The following ZNRF1 variants were observed in gnomAD, a reference collection of about 807,000 sequenced individuals.
ZNRF1 encodes the protein zinc and ring finger 1.
ZNRF1 carries 3 observed loss-of-function variants against 18.4 expected under a neutral mutation model. The observed-to-expected ratio is 0.16, with a 90% CI of 0.07 to 0.42. The LOEUF (loss-of-function observed/expected upper bound fraction) is 0.42, where lower values mean the gene tolerates loss of function less well. Among genes scored for constraint, ZNRF1 ranks in the 10% least tolerant of loss-of-function variants. The probability of loss-of-function intolerance (pLI) is 0.99; values close to 1 mark genes in which losing one functional copy is unlikely to be tolerated. For missense variants in ZNRF1, 310 were observed against 329.8 expected, an observed-to-expected ratio of 0.94 and a Z score of 0.47; for synonymous variants, 157 against 144.2, an observed-to-expected ratio of 1.09 and a Z score of -0.64.
At chr16:75,033,500 C>T (rs1341768732) in intron 1 of ZNRF1, among the ~76,000 whole-genome samples, 1 of 148,452 alleles carries the variant, frequency 6.7e-6, no homozygotes, top group Non-Finnish European at 1.5e-5. Context: ...AGTGCAATGG[C>T]GCAATCTTGG....
intron 1 of ZNRF1, among the ~76,000 whole-genome samples, chr16:75,010,844 G>A (rs552503752): frequency 2.0e-5 from 3 of 151,220 alleles, no homozygotes; most frequent in Admixed American, 1.3e-4. Flanking sequence ...CCAAGTAGCT[G>A]GAATTACAGG....
intron 1 of ZNRF1, among the ~76,000 whole-genome samples, chr16:75,028,652 A>G (rs1183633148): frequency 6.6e-6 from 1 of 152,118 alleles, no homozygotes; most frequent in Non-Finnish European, 1.5e-5. Flanking sequence ...TGGTTTTCTG[A>G]TTTTTCTTCT....
chr16:75,010,711 G>GTTTTTTT (rs67210395), intron 1 of ZNRF1, among the ~76,000 whole-genome samples: 912 of 74,224 alleles, frequency 0.012, 75 homozygotes, highest in Non-Finnish European at 0.018. Flanking sequence ...GTTTTTTTTT[G>GTTTTTTT]TTTTTTTGTT....
intron 2 of ZNRF1, among the ~76,000 whole-genome samples, chr16:75,103,695 G>A (rs913434536): frequency 6.6e-6 from 1 of 152,056 alleles, no homozygotes; most frequent in Non-Finnish European, 1.5e-5. Flanking sequence ...TTTTAAAAGG[G>A]GAAAAAACGG....
At chr16:75,018,766 T>A (rs74977482) in intron 1 of ZNRF1, among the ~76,000 whole-genome samples, 58 of 152,310 alleles carry the variant, frequency 3.8e-4, no homozygotes, top group African/African-American at 1.2e-3. Context: ...TGTATTTTTT[T>A]AATACATTTC....
chr16:75,047,640 G>C (rs1326576751), intron 1 of ZNRF1, among the ~76,000 whole-genome samples: 1 of 151,492 alleles, frequency 6.6e-6, no homozygotes, highest in East Asian at 1.9e-4. Flanking sequence ...TGCTGAACTT[G>C]TGTTAGTTAT....
chr16:75,102,984 C>T (rs2036270792), intron 2 of ZNRF1, among the ~76,000 whole-genome samples: 1 of 152,202 alleles, frequency 6.6e-6, no homozygotes, highest in African/African-American at 2.4e-5. Context: ...CTTCATCCAT[C>T]CTCCACCTTC....
At chr16:75,060,833 G>C (rs1254667724) in intron 1 of ZNRF1, among the ~76,000 whole-genome samples, 1 of 152,008 alleles carries the variant, frequency 6.6e-6, no homozygotes, top group East Asian at 1.9e-4. Flanking sequence ...AGAATTCCAA[G>C]GTCATCTCTA....
At position 74,999,994 on chromosome 16, in the gene ZNRF1, G is replaced by C. The variant is rs376693655; in HGVS notation, c.323G>C (p.Gly108Ala). The change falls in exon 1 of 5, where the codon GGC becomes GCC. Residue 108 changes from glycine to alanine, a missense_variant. By Grantham distance (60) the Gly-to-Ala change is moderately conservative. Transcript: ENST00000335325. Reference protein sequence around the residue: ...AHGNGYQETGGGHHRDGMLYL... With the variant: ...AHGNGYQETGAGHHRDGMLYL... ...GGCAATGGTTACCAGGAGACGGGCG[G>C]CGGTCACCATAGAGACGGGATGCTG... The C allele has an allele frequency of 2.2e-4, 348 of 1,586,642 alleles. No individual in the cohort carries two copies. Among genetic ancestry groups the C allele is most frequent in the Non-Finnish European group, 2.6e-4 (306 of 1,167,648 alleles).
rs566668453 is a variant in ZNRF1, at chr16:75,041,287, A to G, written c.424+41192A>G. The stretch of plus-strand genomic sequence containing the variant: ...TTGACTTACGGATTATAGTCATTCT[A>G]GTAGGTATGTAGTGGTACCACATTG... On this transcript the variant is annotated intron_variant, in intron 1 of 4. Coordinates refer to ENST00000335325, the MANE Select transcript of ZNRF1 (RefSeq NM_032268.5). 4.6e-5 allele frequency among the ~76,000 whole-genome samples: 7 copies of G among 152,204 alleles called. No individual in the cohort carries two copies. The South Asian group carries it at 1.2e-3, about 27-fold the overall frequency.
rs370161311 is a variant in ZNRF1 at position 75,099,057 on chromosome 16, A to C, written c.520+5390A>C. Among the ~76,000 whole-genome samples the C allele has an allele frequency of 2.2e-4, 34 of 152,312 alleles. No individual in the cohort carries two copies. The East Asian group carries it at 5.8e-3, about 26-fold the overall frequency. The stretch of plus-strand genomic sequence containing the variant: ...ACACTTCACAGAAAGGGGGAGATGC[A>C]AAGTGCCTGTGAGACGGGTGGTGTT... On this transcript the variant is annotated intron_variant, in intron 2 of 4. Coordinates refer to ENST00000335325, the MANE Select transcript of ZNRF1 (RefSeq NM_032268.5).
intron 1 of ZNRF1, among the ~76,000 whole-genome samples, chr16:75,053,738 T>C (rs1325463070): frequency 6.6e-6 from 1 of 152,062 alleles, no homozygotes; most frequent in Middle Eastern, 3.2e-3. Context: ...CTCACATAAG[T>C]AGTAATTTCC....
rs2036357409 is a variant in ZNRF1, at chr16:75,109,569, G to A, written c.*1869G>A. 6.5e-6 allele frequency: 1 copy of A among 152,998 alleles called. No homozygotes were observed. The highest frequency in any genetic ancestry group is 6.5e-5 in the Admixed American group (1 of 15,290). The allele number at this position is 152,998 out of a possible 1,614,324, so 9.5% of individuals were successfully genotyped here. A position where few individuals can be genotyped will look rare whatever the true frequency, so the allele number is the denominator to read the frequency against. The stretch of plus-strand genomic sequence containing the variant: ...GGAGAAACACTAAAGAAGACTCGGT[G>A]GTTCAGAGCCTGGGTCTCAGCGCGG... On this transcript the variant is annotated 3_prime_UTR_variant, in exon 5 of 5. Transcript: ENST00000335325.
intron 1 of ZNRF1, among the ~76,000 whole-genome samples, chr16:75,034,928 G>T (rs555148648): frequency 1.3e-5 from 2 of 151,866 alleles, no homozygotes; most frequent in African/African-American, 4.8e-5. Context: ...CGTCCAGTTG[G>T]CTTTCAGTTC....
intron 1 of ZNRF1, among the ~76,000 whole-genome samples, chr16:75,043,258 T>G (rs1018660365): frequency 3.9e-5 from 6 of 152,222 alleles, no homozygotes; most frequent in African/African-American, 9.6e-5. Context: ...TTTATCAGAT[T>G]TTTTTCACCT....
chr16:75,059,112 G>A (rs1456465028), intron 1 of ZNRF1, among the ~76,000 whole-genome samples: 1 of 152,110 alleles, frequency 6.6e-6, no homozygotes, highest in Admixed American at 6.6e-5. Context: ...TGTTTTGAGA[G>A]TAGGTGTCAG....
At chr16:75,013,277 G>GA (rs1324271154) in intron 1 of ZNRF1, among the ~76,000 whole-genome samples, 3 of 152,028 alleles carry the variant, frequency 2.0e-5, no homozygotes, top group African/African-American at 7.2e-5. Context: ...CTCTTTACTT[G>GA]AGGGCCCACA....
chr16:75,101,617 GT>G (rs2036256446), intron 2 of ZNRF1, among the ~76,000 whole-genome samples: 1 of 151,942 alleles, frequency 6.6e-6, no homozygotes, highest in Non-Finnish European at 1.5e-5. Flanking sequence ...TACTAGACCC[GT>G]TTATCCATCC....
At chr16:75,003,351 C>T (rs79105375) in intron 1 of ZNRF1, among the ~76,000 whole-genome samples, 9,836 of 152,290 alleles carry the variant, frequency 0.065, 369 homozygotes, top group East Asian at 0.17. Flanking sequence ...TCCGTGAGAG[C>T]AGGACTGTGT....
Sources: allele counts gnomAD v4.1 joint callset (sites outside exome capture counted in the v4.1 genomes callset), GRCh38; gene constraint gnomAD v4.1.1; transcripts MANE v1.5; gene names NCBI Gene and HGNC (gene_info 2026-07-23, HGNC 2026-07-21).